The following DGKI variants were observed in gnomAD, a reference collection of about 807,000 sequenced individuals.
DGKI encodes the protein diacylglycerol kinase iota, also known as DAG kinase iota.
A neutral mutation model predicts 147.5 loss-of-function variants in DGKI; 55 were observed. The observed-to-expected ratio is 0.37, with a 90% CI of 0.30 to 0.47. The LOEUF is 0.47. Ranked by LOEUF, DGKI falls within the 20% of genes least tolerant of loss-of-function variation. The pLI, the probability that DGKI is intolerant of heterozygous loss-of-function variation, is 1.00. For synonymous variants in DGKI, 469 were observed against 477.1 expected, an observed-to-expected ratio of 0.98 and a Z score of 0.22; for missense variants, 1,007 against 1,323.8, an observed-to-expected ratio of 0.76 and a Z score of 3.71.
At chr7:137,740,205 T>C (rs1795137419) in intron 1 of DGKI, among the ~76,000 whole-genome samples, 1 of 152,196 alleles carries the variant, frequency 6.6e-6, no homozygotes, top group Non-Finnish European at 1.5e-5. Context: ...AAATCCACAT[T>C]CTTGGGAATA....
chr7:137,752,700 G>A (rs563371547), intron 1 of DGKI, among the ~76,000 whole-genome samples: 493 of 152,188 alleles, frequency 3.2e-3, no homozygotes, highest in Non-Finnish European at 5.8e-3. Flanking sequence ...TTGCTCAATC[G>A]ATCACGACCC....
intron 1 of DGKI, among the ~76,000 whole-genome samples, chr7:137,820,365 T>C (rs73152551): frequency 0.028 from 4,308 of 152,276 alleles, 106 homozygotes; most frequent in Non-Finnish European, 0.046. Context: ...TTTCTCTTCA[T>C]CAGAACATAG....
chr7:137,400,947 G>A lies in DGKI; in HGVS notation c.2921-3534C>T, dbSNP rs190359582. 9.4e-4 allele frequency among the ~76,000 whole-genome samples: 143 copies of A among 152,236 alleles called. 1 individual carries two copies. Among genetic ancestry groups the A allele is most frequent in the Non-Finnish European group, 1.1e-3 (76 of 68,010 alleles). ...ATGGGCAGCTATTTTTAAAAGCACA[G>A]GTACATTTTCTAATCATTTTTGGCC... On this transcript the variant is annotated intron_variant, in intron 30 of 32. Coordinates refer to ENST00000614521, the MANE Select transcript of DGKI (RefSeq NM_001321708.2).
intron 19 of DGKI, among the ~76,000 whole-genome samples, chr7:137,554,857 G>A (rs974422644): frequency 6.7e-6 from 1 of 150,346 alleles, no homozygotes; most frequent in Non-Finnish European, 1.5e-5. Context: ...GACTAACAAG[G>A]TAAACAAACC....
chr7:137,682,241 T>C (rs1292856056), intron 2 of DGKI, among the ~76,000 whole-genome samples: 1 of 152,156 alleles, frequency 6.6e-6, no homozygotes, highest in Non-Finnish European at 1.5e-5. Flanking sequence ...TGGGTGGCAT[T>C]AGCACAAGAA....
chr7:137,527,672 T>A (rs1375407800), intron 20 of DGKI, among the ~76,000 whole-genome samples: 1 of 152,188 alleles, frequency 6.6e-6, no homozygotes, highest in Non-Finnish European at 1.5e-5. Context: ...AACATTGATT[T>A]TTATAAATAA....
chr7:137,569,910 A>C (rs1401391011), intron 19 of DGKI, among the ~76,000 whole-genome samples: 1 of 152,094 alleles, frequency 6.6e-6, no homozygotes, highest in African/African-American at 2.4e-5. Flanking sequence ...AGTCAACCCC[A>C]GTCCAATCTT....
intron 8 of DGKI, 78 bp downstream of exon 8, chr7:137,619,746 A>T: frequency 9.2e-7 from 1 of 1,083,134 alleles, no homozygotes; most frequent in Non-Finnish European, 1.4e-6. Flanking sequence ...CCCAAAGACT[A>T]GTCTGGGGAG....
intron 2 of DGKI, among the ~76,000 whole-genome samples, chr7:137,686,721 GT>G (rs1314468825): frequency 6.6e-6 from 1 of 152,150 alleles, no homozygotes; most frequent in African/African-American, 2.4e-5. Flanking sequence ...AGAAGTGCAG[GT>G]GCCTATAGTC....
intron 30 of DGKI, among the ~76,000 whole-genome samples, chr7:137,406,004 GGA>G (rs1488599446): frequency 6.6e-6 from 1 of 152,112 alleles, no homozygotes. Context: ...GGGGGGGTGT[GGA>G]GAGAGAGATT....
chr7:137,412,561 G>C (rs891043283), intron 28 of DGKI, among the ~76,000 whole-genome samples: 41 of 152,306 alleles, frequency 2.7e-4, no homozygotes, highest in African/African-American at 9.9e-4. Context: ...ATTTGTAAAA[G>C]AGCAGGTTGT....
At chr7:137,790,090 C>G (rs1279758243) in intron 1 of DGKI, among the ~76,000 whole-genome samples, 1 of 152,168 alleles carries the variant, frequency 6.6e-6, no homozygotes, top group Non-Finnish European at 1.5e-5. Context: ...AAAGTAGCCA[C>G]AGATAATACA....
chr7:137,522,781 G>A (rs1187711457), intron 20 of DGKI, among the ~76,000 whole-genome samples: 1 of 152,108 alleles, frequency 6.6e-6, no homozygotes, highest in Admixed American at 6.6e-5. Flanking sequence ...CATTAGTTGA[G>A]TGGAATAATT....
chr7:137,722,897 A>AT, intron 1 of DGKI: 1 of 779,730 alleles, frequency 1.3e-6, no homozygotes, highest in East Asian at 2.6e-5. Context: ...GTTAAAAAAA[A>AT]AAAAAAGTAT....
intron 1 of DGKI, among the ~76,000 whole-genome samples, chr7:137,696,540 T>C (rs1329517340): frequency 6.8e-6 from 1 of 147,492 alleles, no homozygotes; most frequent in Non-Finnish European, 1.5e-5. Flanking sequence ...AGGATTTAAT[T>C]CCCAAGTGTA....
Position 137,455,430 on chromosome 7 carries a change from T to C in DGKI, c.2735+8059A>G, listed in dbSNP as rs781477770. 7.9e-5 allele frequency among the ~76,000 whole-genome samples: 12 copies of C among 152,148 alleles called. No individual in the cohort carries two copies. The South Asian group carries it at 1.2e-3, about 16-fold the overall frequency. On this transcript the variant is annotated intron_variant, in intron 27 of 32. Coordinates refer to ENST00000614521, the MANE Select transcript of DGKI (RefSeq NM_001321708.2). The stretch of plus-strand genomic sequence containing the variant: ...GAGAATAATTCAGTGACTCCAGTGT[T>C]AGATATTAAGAACTGCTATGTACTT...
intron 2 of DGKI, among the ~76,000 whole-genome samples, chr7:137,680,251 T>C (rs1823189897): frequency 6.6e-6 from 1 of 152,196 alleles, no homozygotes; most frequent in South Asian, 2.1e-4. Context: ...TGCCAGCACC[T>C]TGACCTTGGA....
chr7:137,577,153 G>T (rs77261098), intron 17 of DGKI, 69 bp downstream of exon 17: 14,292 of 1,094,796 alleles, frequency 0.013, 134 homozygotes, highest in Non-Finnish European at 0.017. Flanking sequence ...TATAAACTAA[G>T]TATTTGGGAG....
chr7:137,455,578 G>T (rs1254586586), intron 27 of DGKI, among the ~76,000 whole-genome samples: 1 of 139,206 alleles, frequency 7.2e-6, no homozygotes, highest in Non-Finnish European at 1.5e-5. Context: ...GAAAACTGTT[G>T]GAGGATTGTT....
Sources: allele counts gnomAD v4.1 joint callset (sites outside exome capture counted in the v4.1 genomes callset), GRCh38; gene constraint gnomAD v4.1.1; transcripts MANE v1.5; gene names NCBI Gene and HGNC (gene_info 2026-07-23, HGNC 2026-07-21).